EPS8: variants seen among roughly 807,000 people sequenced by gnomAD.
EPS8 encodes the protein epidermal growth factor receptor kinase substrate 8.
In EPS8, 42 loss-of-function variants were observed where a neutral mutation model predicts 103.8. That is an observed-to-expected ratio of 0.40 (90% CI 0.32 to 0.52). EPS8 has a LOEUF of 0.52. Ranked by LOEUF, EPS8 falls within the 20% of genes least tolerant of loss-of-function variation. The probability of loss-of-function intolerance (pLI) is 0.40; values close to 1 mark genes in which losing one functional copy is unlikely to be tolerated. For missense variants in EPS8, 969 were observed against 1,005.1 expected (o/e 0.96, Z 0.49); for synonymous variants, 344 against 344.6 (o/e 1.00, Z 0.02).
intron 15 of EPS8, among the ~76,000 whole-genome samples, chr12:15,643,713 T>G (rs1241818549): frequency 8.4e-6 from 1 of 119,628 alleles, no homozygotes; most frequent in African/African-American, 3.3e-5. Context: ...CACTCCAGCC[T>G]GGGCGACAAG....
Position 15,769,822 on chromosome 12 carries a change from G to A in EPS8, c.-22+19339C>T, listed in dbSNP as rs1407250030. On this transcript the variant is annotated intron_variant, in intron 1 of 20. Coordinates refer to ENST00000281172, the MANE Select transcript of EPS8 (RefSeq NM_004447.6). This position sits in a 1 kb window ranked among gnomAD's most constrained non-coding sequence, Gnocchi z 4.6. ...TCCTGAACTTTCTGACCAAAGTCAT[G>A]TTTTATTATTTCTCAGATGTATTCT... is the stretch of plus-strand genomic sequence containing the variant. Among the ~76,000 whole-genome samples the A allele has an allele frequency of 1.3e-5, 2 of 152,020 alleles. No individual in the cohort carries two copies. The highest frequency in any genetic ancestry group is 3.4e-3 in the Middle Eastern group (1 of 294).
intron 6 of EPS8, 142 bp downstream of exon 6, chr12:15,669,245 C>T: frequency 7.9e-6 from 5 of 634,630 alleles, no homozygotes; most frequent in Non-Finnish European, 5.2e-6. Context: ...AGAGAAGATA[C>T]TAAGGTATTT....
intron 1 of EPS8, among the ~76,000 whole-genome samples, chr12:15,726,202 CT>C (rs1025134348): frequency 4.6e-5 from 7 of 151,542 alleles, no homozygotes; most frequent in Non-Finnish European, 7.4e-5. Flanking sequence ...GATTGGGTGC[CT>C]TTTTTTTCAG....
In EPS8 at chr12:15,747,279, G is replaced by T. The variant is rs190017045; in HGVS notation, c.-22+41882C>A. On this transcript the variant is annotated intron_variant, in intron 1 of 20. Coordinates refer to ENST00000281172, the MANE Select transcript of EPS8 (RefSeq NM_004447.6). This position sits in a 1 kb window ranked among gnomAD's most constrained non-coding sequence, Gnocchi z 4.4. ...ATAGTTAATAAACTGATTTTATTTT[G>T]GTTCTTTTAAGTGCATGGTCTAATT... Among the ~76,000 whole-genome samples, 1 of 152,020 alleles carries T rather than the reference G, an allele frequency of 6.6e-6. No homozygotes were observed. Among genetic ancestry groups the T allele is most frequent in the East Asian group, 1.9e-4 (1 of 5,176 alleles).
rs1442186713 is a variant in EPS8, at chr12:15,747,324, T to C, written c.-22+41837A>G. ...CTAATTTATTAATGGTAAGCTGAAG[T>C]GGATACTATATATAGCTAATATGGT... is the stretch of plus-strand genomic sequence containing the variant. On this transcript the variant is annotated intron_variant, in intron 1 of 20. Coordinates refer to ENST00000281172, the MANE Select transcript of EPS8 (RefSeq NM_004447.6). This position sits in a 1 kb window ranked among gnomAD's most constrained non-coding sequence, Gnocchi z 4.4. Among the ~76,000 whole-genome samples the C allele has an allele frequency of 1.3e-5, 2 of 152,184 alleles. No individual in the cohort carries two copies. The highest frequency in any genetic ancestry group is 2.9e-5 in the Non-Finnish European group (2 of 68,032).
At chr12:15,643,469 G>A (rs1480544288) in intron 15 of EPS8, among the ~76,000 whole-genome samples, 1 of 152,096 alleles carries the variant, frequency 6.6e-6, no homozygotes, top group South Asian at 2.1e-4. Context: ...GCCAGGCGTG[G>A]TGGTTCATGC....
rs186562737 is a variant in EPS8 at position 15,726,010 on chromosome 12, T to C, written c.-21-43038A>G. ...AAAACATAAATCTAATAAAAAATCA[T>C]ACTTAAATATAAGATCAGAAGACTT... On this transcript the variant is annotated intron_variant, in intron 1 of 20. Transcript: ENST00000281172. 2.0e-3 allele frequency among the ~76,000 whole-genome samples: 310 copies of C among 152,278 alleles called. 1 individual carries two copies. The highest frequency in any genetic ancestry group is 3.7e-3 in the Non-Finnish European group (249 of 68,020).
At chr12:15,670,975 C>G in intron 3 of EPS8, 52 bp from the exon 4 acceptor site, 2 of 1,326,500 alleles carry the variant, frequency 1.5e-6, no homozygotes, top group Non-Finnish European at 2.2e-6. Flanking sequence ...GACTGAAGTT[C>G]ATATGTTGGT....
chr12:15,734,161 C>T lies in EPS8; in HGVS notation c.-21-51189G>A, dbSNP rs1946744714. 6.6e-6 allele frequency among the ~76,000 whole-genome samples: 1 copy of T among 152,080 alleles called. No individual in the cohort carries two copies. The highest frequency in any genetic ancestry group is 2.4e-5 in the African/African-American group (1 of 41,428). On this transcript the variant is annotated intron_variant, in intron 1 of 20. Transcript: ENST00000281172. The surrounding 1 kb of genome is among the most constrained non-coding windows in gnomAD (Gnocchi z 4.1). ...TGGCCAGAAAATTCATTTTTAATAA[C>T]CTATAGATTAACAATGCCTTCAAAA... is the stretch of plus-strand genomic sequence containing the variant.
chr12:15,624,432 C>T, intron 18 of EPS8, 25 bp from the exon 19 acceptor site: 14 of 1,515,844 alleles, frequency 9.2e-6, no homozygotes, highest in Non-Finnish European at 1.2e-5. Flanking sequence ...GGAGTAGGTT[C>T]TTTTTGAAAA....
In EPS8 at chr12:15,767,046, T is replaced by C. The variant is rs190078616; in HGVS notation, c.-22+22115A>G. On this transcript the variant is annotated intron_variant, in intron 1 of 20. Transcript: ENST00000281172. This position sits in a 1 kb window ranked among gnomAD's most constrained non-coding sequence, Gnocchi z 5.5. ...ATATATATGATGACAATGATGATGG[T>C]GGTGGTGAGAATGATGATGGAGACA... is the stretch of plus-strand genomic sequence containing the variant. Among the ~76,000 whole-genome samples the C allele has an allele frequency of 2.0e-5, 3 of 152,204 alleles. No individual in the cohort carries two copies. The highest frequency in any genetic ancestry group is 3.4e-3 in the Middle Eastern group (1 of 294).
chr12:15,628,003 A>AT (rs1944978197), intron 18 of EPS8, among the ~76,000 whole-genome samples: 1 of 146,512 alleles, frequency 6.8e-6, no homozygotes, highest in Admixed American at 6.8e-5. Context: ...GAAAGTGTGA[A>AT]TAGTTAGTGT....
chr12:15,698,395 C>T lies in EPS8; in HGVS notation c.-21-15423G>A, dbSNP rs934006727. Among the ~76,000 whole-genome samples, 20 of 152,220 alleles carry T rather than the reference C, an allele frequency of 1.3e-4. No individual in the cohort carries two copies. Among genetic ancestry groups the T allele is most frequent in the African/African-American group, 4.1e-4 (17 of 41,550 alleles). ...AGAACTACTCAAGGAAAAGAACAAG[C>T]AGTGTCAACTAGACTCCCCAACCCC... On this transcript the variant is annotated intron_variant, in intron 1 of 20. Transcript: ENST00000281172. This position sits in a 1 kb window ranked among gnomAD's most constrained non-coding sequence, Gnocchi z 4.9.
chr12:15,697,176 G>C lies in EPS8; in HGVS notation c.-21-14204C>G, dbSNP rs1292078550. ...GAAAATGGCCTATAGACTGAAGAAG[G>C]GAAAACTTGAGGGACAAGCACAAAC... On this transcript the variant is annotated intron_variant, in intron 1 of 20. Transcript: ENST00000281172. The surrounding 1 kb of genome is among the most constrained non-coding windows in gnomAD (Gnocchi z 5.6). 6.6e-6 allele frequency among the ~76,000 whole-genome samples: 1 copy of C among 152,030 alleles called. No individual in the cohort carries two copies. The highest frequency in any genetic ancestry group is 1.5e-5 in the Non-Finnish European group (1 of 68,010).
At position 15,760,983 on chromosome 12, in the gene EPS8, T is replaced by C. The variant is rs1017063395; in HGVS notation, c.-22+28178A>G. Among the ~76,000 whole-genome samples the C allele has an allele frequency of 3.3e-5, 5 of 151,986 alleles. No homozygotes were observed. Among genetic ancestry groups the C allele is most frequent in the Non-Finnish European group, 7.4e-5 (5 of 67,954 alleles). ...GAGAAAGAAAGAAAGGGCATCCAAA[T>C]TGGAAAAGAAAAACCCAAATTATCC... On this transcript the variant is annotated intron_variant, in intron 1 of 20. Coordinates refer to ENST00000281172, the MANE Select transcript of EPS8 (RefSeq NM_004447.6). This position sits in a 1 kb window ranked among gnomAD's most constrained non-coding sequence, Gnocchi z 4.5.
rs1281379966 is a variant in EPS8 at position 15,735,434 on chromosome 12, T to C, written c.-21-52462A>G. 1.3e-5 allele frequency among the ~76,000 whole-genome samples: 2 copies of C among 152,322 alleles called. No individual in the cohort carries two copies. Among genetic ancestry groups the C allele is most frequent in the East Asian group, 1.9e-4 (1 of 5,178 alleles). On this transcript the variant is annotated intron_variant, in intron 1 of 20. Transcript: ENST00000281172. This position sits in a 1 kb window ranked among gnomAD's most constrained non-coding sequence, Gnocchi z 4.4. The stretch of plus-strand genomic sequence containing the variant: ...TCATGAAGGATCAAATATTGTCTTA[T>C]GGCGCATCCCACGTTAATGCTACTT...
chr12:15,743,627 T>A (rs1485293153), intron 1 of EPS8, among the ~76,000 whole-genome samples: 3 of 152,202 alleles, frequency 2.0e-5, no homozygotes, highest in Admixed American at 2.0e-4. Context: ...AACCATCTGA[T>A]CTTTGACAAA....
In EPS8 at chr12:15,701,240, C is replaced by A. The variant is rs1946308163; in HGVS notation, c.-21-18268G>T. ...TATGTGTCAAACGTTGTTGTAAGTT[C>A]TTTGCATGCATTAATTCAATTGATA... is the stretch of plus-strand genomic sequence containing the variant. On this transcript the variant is annotated intron_variant, in intron 1 of 20. Transcript: ENST00000281172. The surrounding 1 kb of genome is among the most constrained non-coding windows in gnomAD (Gnocchi z 5.1). Among the ~76,000 whole-genome samples the A allele has an allele frequency of 6.6e-6, 1 of 152,184 alleles. No homozygotes were observed. The highest frequency in any genetic ancestry group is 1.5e-5 in the Non-Finnish European group (1 of 68,024).
chr12:15,724,901 A>C (rs1946636427), intron 1 of EPS8, among the ~76,000 whole-genome samples: 1 of 152,182 alleles, frequency 6.6e-6, no homozygotes, highest in African/African-American at 2.4e-5. Context: ...TGTCTTTATC[A>C]GCAGTGTAAA....
Sources: allele counts gnomAD v4.1 joint callset (sites outside exome capture counted in the v4.1 genomes callset), GRCh38; gene constraint gnomAD v4.1.1; non-coding constraint Gnocchi (gnomAD v3.1); transcripts MANE v1.5; gene names NCBI Gene and HGNC (gene_info 2026-07-23, HGNC 2026-07-21).